Variants in IFI44L observed in about 807,000 individuals in gnomAD.
IFI44L encodes interferon-induced protein 44-like.
IFI44L carries 40 observed loss-of-function variants against 39.3 expected under a neutral mutation model. The ratio of observed to expected loss-of-function variants is 1.02; its 90% CI spans 0.79 to 1.33. The LOEUF (loss-of-function observed/expected upper bound fraction) is 1.33, where lower values mean the gene tolerates loss of function less well. Among genes scored for constraint, IFI44L ranks in the 40% most tolerant of loss-of-function variants. IFI44L has a pLI of 0.00. For missense variants in IFI44L, 623 were observed against 549.0 expected (o/e 1.13, Z -1.35); for synonymous variants, 198 against 182.3 (o/e 1.09, Z -0.69).
intron 6 of IFI44L, among the ~76,000 whole-genome samples, chr1:78,638,968 T>G (rs1444566028): frequency 6.6e-6 from 1 of 152,156 alleles, no homozygotes; most frequent in Non-Finnish European, 1.5e-5. Flanking sequence ...ATTCTGATAC[T>G]GGTAAGATGG....
chr1:78,630,069 G>T (rs1403522675), intron 4 of IFI44L, 154 bp downstream of exon 4: 1 of 725,872 alleles, frequency 1.4e-6, no homozygotes, highest in Non-Finnish European at 2.4e-6. Flanking sequence ...CACCTCCATT[G>T]TGCTATATTA....
At chr1:78,623,419 TTTTTTTTA>T (rs1320716750) in intron 1 of IFI44L, among the ~76,000 whole-genome samples, 9 of 116,976 alleles carry the variant, frequency 7.7e-5, no homozygotes, top group Non-Finnish European at 1.2e-4. Flanking sequence ...TTTTTTTTTT[TTTTTTTTA>T]AATCATGGAA....
Position 78,643,134 on chromosome 1 carries a change from T to C in IFI44L, c.*1325T>C, listed in dbSNP as rs1014883894. On this transcript the variant is annotated 3_prime_UTR_variant, in exon 9 of 9. Transcript: ENST00000370751. ...ATTATACTCATCTTTTGGGTAGTCA[T>C]AGATATTAAGAAAGCAAGAGTTTCT... 4.0e-5 allele frequency: 5 copies of C among 124,030 alleles called. No homozygotes were observed. The highest frequency in any genetic ancestry group is 2.5e-4 in the Admixed American group (3 of 11,826). 7.7% of individuals were successfully genotyped at this position (124,030 alleles called of 1,614,324 possible).
At chr1:78,621,050 T>A (rs1652256130) in intron 1 of IFI44L, 1 of 152,090 alleles carries the variant, frequency 6.6e-6, no homozygotes, top group African/African-American at 2.4e-5. Context: ...TAAAAAGGAG[T>A]TTCAGAGTGG....
chr1:78,621,764 CTT>C (rs991446612), intron 1 of IFI44L, among the ~76,000 whole-genome samples: 7 of 151,792 alleles, frequency 4.6e-5, no homozygotes, highest in African/African-American at 1.7e-4. Context: ...TACACAATAA[CTT>C]AAAAAATTAA....
intron 4 of IFI44L, among the ~76,000 whole-genome samples, chr1:78,633,257 A>C (rs72935616): frequency 0.016 from 2,465 of 152,268 alleles, 59 homozygotes; most frequent in African/African-American, 0.057. Flanking sequence ...TATCAGGCCT[A>C]CTGCAGTAAA....
chr1:78,641,053 G>A lies in IFI44L; in HGVS notation c.1081G>A (p.Asp361Asn), dbSNP rs1557690775. The part of the protein sequence containing the change: ...IAYVALLTKV[D>N]DCSEVLQDNF... The stretch of plus-strand genomic sequence containing the variant: ...ATATGTGGCCTTGCTTACTAAAGTG[G>A]ATGATTGCAGTGAGGTTCTTCAAGA... Residue 361 changes from aspartate to asparagine, a missense_variant, in exon 7 of 9, where the codon GAT becomes AAT. Physicochemically the swap from Asp to Asn is conservative, Grantham distance 23. Coordinates refer to ENST00000370751, the MANE Select transcript of IFI44L (RefSeq NM_006820.4). 11 of 1,612,608 alleles carry A rather than the reference G, an allele frequency of 6.8e-6. No homozygotes were observed. The highest frequency in any genetic ancestry group is 2.7e-5 in the African/African-American group (2 of 74,960).
intron 6 of IFI44L, among the ~76,000 whole-genome samples, chr1:78,638,098 G>A (rs1653018964): frequency 6.6e-6 from 1 of 151,942 alleles, no homozygotes; most frequent in South Asian, 2.1e-4. Flanking sequence ...GCTAGTATTT[G>A]GTATCGTTGC....
intron 4 of IFI44L, chr1:78,631,576 A>G (rs1438441104): frequency 6.6e-6 from 1 of 152,174 alleles, no homozygotes; most frequent in Non-Finnish European, 1.5e-5. Flanking sequence ...CAAATCGTCC[A>G]TATTTTTTTG....
intron 1 of IFI44L, among the ~76,000 whole-genome samples, chr1:78,621,676 T>C (rs1652279903): frequency 6.6e-6 from 1 of 152,176 alleles, no homozygotes; most frequent in Non-Finnish European, 1.5e-5. Context: ...TGTATGTGTG[T>C]ATATATTTAT....
At chr1:78,623,396 G>GTTTTTTTTTTTTTT (rs71078508) in intron 1 of IFI44L, among the ~76,000 whole-genome samples, 10 of 121,322 alleles carry the variant, frequency 8.2e-5, no homozygotes, top group African/African-American at 1.4e-4. Flanking sequence ...AGTGTTTTTT[G>GTTTTTTTTTTTTTT]TTTTTTTTTT....
intron 1 of IFI44L, among the ~76,000 whole-genome samples, chr1:78,621,767 A>T (rs1652283259): frequency 2.6e-5 from 4 of 152,004 alleles, no homozygotes; most frequent in Admixed American, 2.6e-4. Flanking sequence ...ACAATAACTT[A>T]AAAAATTAAT....
At position 78,641,069 on chromosome 1, in the gene IFI44L, T is replaced by C. The variant is rs746020980; in HGVS notation, c.1097T>C (p.Val366Ala). Reference sequence around the variant, plus strand: ...ACTAAAGTGGATGATTGCAGTGAGGTTCTTCAAGACAACTTTTTAAACATG... The same window carrying C: ...ACTAAAGTGGATGATTGCAGTGAGGCTCTTCAAGACAACTTTTTAAACATG... ...LLTKVDDCSE[V>A]LQDNFLNMSR... Residue 366 changes from valine to alanine, a missense_variant, in exon 7 of 9, where the codon GTT (valine) becomes GCT (alanine). Physicochemically the swap from Val to Ala is moderately conservative, Grantham distance 64. Transcript: ENST00000370751. The C allele has an allele frequency of 1.2e-6, 2 of 1,612,958 alleles. No individual in the cohort carries two copies. The highest frequency in any genetic ancestry group is 8.5e-7 in the Non-Finnish European group (1 of 1,179,224).
At chr1:78,632,168 A>C (rs192985192) in intron 4 of IFI44L, among the ~76,000 whole-genome samples, 2 of 152,292 alleles carry the variant, frequency 1.3e-5, no homozygotes, top group East Asian at 3.9e-4. Context: ...GACAGCACAG[A>C]CTTACTCATT....
chr1:78,645,977 T>C lies in IFI44L; in HGVS notation c.*4168T>C, dbSNP rs1015060146. The C allele has an allele frequency of 6.6e-6, 1 of 152,170 alleles. No individual in the cohort carries two copies. Among genetic ancestry groups the C allele is most frequent in the East Asian group, 1.9e-4 (1 of 5,180 alleles). 9.4% of individuals were successfully genotyped at this position (152,170 alleles called of 1,614,324 possible). On this transcript the variant is annotated 3_prime_UTR_variant, in exon 9 of 9. Transcript: ENST00000370751. Reference sequence around the variant, plus strand: ...GACAGGAAGTGCAGTGTAGGCAAAATTGCAAAAATTGAGGGCACAGGGGTG... The same window carrying C: ...GACAGGAAGTGCAGTGTAGGCAAAACTGCAAAAATTGAGGGCACAGGGGTG...
At chr1:78,627,855 T>TAAGCTAC in intron 1 of IFI44L, 51 bp from the exon 2 acceptor site, 2 of 1,017,232 alleles carry the variant, frequency 2.0e-6, no homozygotes, top group Non-Finnish European at 2.7e-6. Context: ...ACCTAAGCTA[T>TAAGCTAC]AAGCTACTAT....
rs548143354 is a variant in IFI44L, at chr1:78,644,479, G to A, written c.*2670G>A. 3.6e-4 allele frequency: 55 copies of A among 152,244 alleles called. No individual in the cohort carries two copies. The highest frequency in any genetic ancestry group is 1.2e-3 in the African/African-American group (50 of 41,536). 9.4% of individuals were successfully genotyped at this position (152,244 alleles called of 1,614,324 possible). A position where few individuals can be genotyped will look rare whatever the true frequency, so the allele number is the denominator to read the frequency against. On this transcript the variant is annotated 3_prime_UTR_variant, in exon 9 of 9. Coordinates refer to ENST00000370751, the MANE Select transcript of IFI44L (RefSeq NM_006820.4). ...CTTTGGAAACACTTAAACATCAAAT[G>A]GAGTTAAATACATATTTGAAATTTA...
At chr1:78,637,817 T>A (rs183304756) in intron 6 of IFI44L, among the ~76,000 whole-genome samples, 1 of 152,272 alleles carries the variant, frequency 6.6e-6, no homozygotes, top group East Asian at 1.9e-4. Flanking sequence ...AAAAATTGTA[T>A]AGTATTCCAT....
chr1:78,629,030 C>T, intron 3 of IFI44L, 31 bp downstream of exon 3: 1 of 1,406,514 alleles, frequency 7.1e-7, no homozygotes, highest in East Asian at 2.3e-5. Context: ...ATCTATTAAT[C>T]ATTTTATTTA....
Sources: allele counts gnomAD v4.1 joint callset (sites outside exome capture counted in the v4.1 genomes callset), GRCh38; gene constraint gnomAD v4.1.1; transcripts MANE v1.5; gene names NCBI Gene and HGNC (gene_info 2026-07-23, HGNC 2026-07-21).